Variants in TESC observed in about 807,000 individuals in gnomAD.
The protein encoded by TESC is tescalcin.
In TESC, 19 loss-of-function variants were observed where a neutral mutation model predicts 31.0. The observed-to-expected ratio is 0.61, with a 90% CI of 0.43 to 0.90. The LOEUF is 0.90. TESC is among the 40% of genes least tolerant of loss of function. The probability of loss-of-function intolerance (pLI) is 0.00; values close to 1 mark genes in which losing one functional copy is unlikely to be tolerated. For missense variants in TESC, 248 were observed against 303.8 expected, an observed-to-expected ratio of 0.82 and a Z score of 1.36; for synonymous variants, 109 against 114.8, an observed-to-expected ratio of 0.95 and a Z score of 0.32.
At chr12:117,066,814 T>G (rs1169089187) in intron 2 of TESC, among the ~76,000 whole-genome samples, 1 of 151,994 alleles carries the variant, frequency 6.6e-6, no homozygotes, top group Non-Finnish European at 1.5e-5. Flanking sequence ...GATCCTCAGC[T>G]CTAAAACCCA....
intron 4 of TESC, among the ~76,000 whole-genome samples, chr12:117,048,045 G>T (rs1954593819): frequency 6.6e-6 from 1 of 152,094 alleles, no homozygotes; most frequent in Admixed American, 6.6e-5. Flanking sequence ...AGCCCAGCTG[G>T]CATTTACTGA....
chr12:117,048,186 C>T (rs1304059046), intron 4 of TESC, among the ~76,000 whole-genome samples: 4 of 152,204 alleles, frequency 2.6e-5, no homozygotes, highest in Non-Finnish European at 5.9e-5. Flanking sequence ...GAAGTTAAGG[C>T]GTTTGCCCAC....
intron 1 of TESC, among the ~76,000 whole-genome samples, chr12:117,075,988 T>A (rs1471165002): frequency 2.1e-5 from 3 of 139,736 alleles, no homozygotes; most frequent in Middle Eastern, 3.6e-3. Flanking sequence ...TATATATATT[T>A]TTTTTTTTTA....
intron 1 of TESC, among the ~76,000 whole-genome samples, chr12:117,075,897 A>ATGTGTG (rs1565971545): frequency 6.0e-5 from 4 of 66,396 alleles, no homozygotes; most frequent in African/African-American, 3.4e-4. Context: ...ATATATATAT[A>ATGTGTG]TATATATATA....
chr12:117,051,099 G>A (rs753720216), intron 3 of TESC, among the ~76,000 whole-genome samples: 6 of 152,294 alleles, frequency 3.9e-5, no homozygotes, highest in Non-Finnish European at 7.4e-5. Flanking sequence ...GTGGCCCTTC[G>A]GAAGGGGCAG....
intron 1 of TESC, among the ~76,000 whole-genome samples, chr12:117,075,897 A>ATGTGTGTGTGTG (rs1565971545): frequency 1.5e-5 from 1 of 66,396 alleles, no homozygotes; most frequent in African/African-American, 8.4e-5. Flanking sequence ...ATATATATAT[A>ATGTGTGTGTGTG]TATATATATA....
At chr12:117,095,504 G>C (rs936953692) in intron 1 of TESC, among the ~76,000 whole-genome samples, 1 of 152,184 alleles carries the variant, frequency 6.6e-6, no homozygotes, top group Non-Finnish European at 1.5e-5. Context: ...GAAAAAATAC[G>C]GGAGTCTTTT....
rs568290005 is a variant in TESC, at chr12:117,056,801, C to A, written c.209+5G>T. ...CACTGGGCTGGTTCAGGGGAAAACG[C>A]CCACCTGTTGTCGAAGAAGGCACGA... On this transcript the variant is annotated splice_donor_5th_base_variant and intron_variant, in intron 3 of 7. Coordinates refer to ENST00000335209, the MANE Select transcript of TESC (RefSeq NM_017899.4). 6.2e-7 allele frequency: 1 copy of A among 1,614,044 alleles called. No homozygotes were observed. Among genetic ancestry groups the A allele is most frequent in the South Asian group, 1.1e-5 (1 of 91,080 alleles).
At position 117,058,217 on chromosome 12, in the gene TESC, C is replaced by G. The variant is rs980031902; in HGVS notation, c.129-1331G>C. Among the ~76,000 whole-genome samples, 8 of 152,106 alleles carry G rather than the reference C, an allele frequency of 5.3e-5. No individual in the cohort carries two copies. The South Asian group carries it at 1.5e-3, about 28-fold the overall frequency. On this transcript the variant is annotated intron_variant, in intron 2 of 7. Transcript: ENST00000335209. ...CCTGGTAGACTGTAGTCTCAAAAAA[C>G]TTTTGAGTTTTGAGACTCCGTCTCA...
At chr12:117,074,483 G>T (rs1955022393) in intron 2 of TESC, among the ~76,000 whole-genome samples, 1 of 152,180 alleles carries the variant, frequency 6.6e-6, no homozygotes, top group Non-Finnish European at 1.5e-5. Context: ...ACACAATGCA[G>T]AAGGTTGATT....
chr12:117,091,661 G>A (rs376477669), intron 1 of TESC, among the ~76,000 whole-genome samples: 60 of 152,200 alleles, frequency 3.9e-4, no homozygotes, highest in Admixed American at 2.0e-3. Flanking sequence ...CAGAGGGGGC[G>A]GCACCCTCCT....
intron 1 of TESC, among the ~76,000 whole-genome samples, chr12:117,086,842 C>T (rs551149593): frequency 2.6e-5 from 4 of 152,212 alleles, no homozygotes; most frequent in Admixed American, 6.5e-5. Flanking sequence ...ATGCAGGAGA[C>T]GCTGGGGTTG....
intron 4 of TESC, among the ~76,000 whole-genome samples, chr12:117,047,414 AT>A (rs61257950): frequency 7.3e-4 from 106 of 144,796 alleles, no homozygotes; most frequent in East Asian, 2.0e-3. Flanking sequence ...CTGTGTTGGC[AT>A]TTTTTTTTTT....
At chr12:117,044,251 G>A (rs547124821) in intron 6 of TESC, among the ~76,000 whole-genome samples, 4 of 151,930 alleles carry the variant, frequency 2.6e-5, no homozygotes, top group East Asian at 1.9e-4. Context: ...CAGTTGGGGC[G>A]ACAGAACGAG....
intron 3 of TESC, among the ~76,000 whole-genome samples, chr12:117,055,554 C>CTCA (rs1247230071): frequency 1.4e-4 from 22 of 152,324 alleles, no homozygotes; most frequent in Admixed American, 5.9e-4. Context: ...AAGGGGGTGA[C>CTCA]CTAGTGACTC....
intron 6 of TESC, among the ~76,000 whole-genome samples, chr12:117,044,496 T>A (rs12368874): frequency 0.03 from 4,606 of 151,996 alleles, 195 homozygotes; most frequent in East Asian, 0.19. Context: ...GGGTGATCGG[T>A]GCAAGGAAGG....
chr12:117,048,509 A>G (rs943292948), intron 4 of TESC, among the ~76,000 whole-genome samples: 3 of 152,242 alleles, frequency 2.0e-5, no homozygotes, highest in Non-Finnish European at 2.9e-5. Flanking sequence ...TGGGACCACA[A>G]CTGAACCCAC....
intron 1 of TESC, 84 bp from the exon 2 acceptor site, chr12:117,075,424 C>T (rs1408133491): frequency 2.1e-6 from 3 of 1,458,726 alleles, no homozygotes; most frequent in Admixed American, 1.9e-5. Context: ...ATTCTTTTGC[C>T]CCATCCCCAC....
chr12:117,045,675 G>A (rs1954547260), intron 6 of TESC, among the ~76,000 whole-genome samples: 1 of 152,238 alleles, frequency 6.6e-6, no homozygotes, highest in African/African-American at 2.4e-5. Context: ...CAGGCTTGGG[G>A]CACAGAGAGC....
Sources: allele counts gnomAD v4.1 joint callset (sites outside exome capture counted in the v4.1 genomes callset), GRCh38; gene constraint gnomAD v4.1.1; transcripts MANE v1.5; gene names NCBI Gene and HGNC (gene_info 2026-07-23, HGNC 2026-07-21).